The following PAK5 variants were observed in gnomAD, a reference collection of about 807,000 sequenced individuals.
The protein encoded by PAK5 is p21 (RAC1) activated kinase 5, also known as serine/threonine-protein kinase PAK 5.
PAK5 carries 16 observed loss-of-function variants against 65.9 expected under a neutral mutation model. The ratio of observed to expected loss-of-function variants is 0.24; its 90% CI spans 0.16 to 0.37. The LOEUF is 0.37. PAK5 is among the 10% of genes least tolerant of loss of function. PAK5 has a pLI of 1.00. For synonymous variants in PAK5, 371 were observed against 354.9 expected, an observed-to-expected ratio of 1.05 and a Z score of -0.51; for missense variants, 785 against 903.9, an observed-to-expected ratio of 0.87 and a Z score of 1.69.
chr20:9,565,895 C>A lies in PAK5; in HGVS notation c.1480G>T (p.Glu494Ter), dbSNP rs2122991362. ...KQQRRELLFNEVVIMRDYHHD... is the reference protein window; with the variant it reads ...KQQRRELLFN Reference sequence around the variant, plus strand: ...GATGACCCAAACACACTCTTTACCTCATTGAAAAGCAGTTCTCGTCTCTGT... The same window carrying A: ...GATGACCCAAACACACTCTTTACCTAATTGAAAAGCAGTTCTCGTCTCTGT... The change falls in exon 5 of 10, where the codon GAG (glutamate) becomes TAG (stop). Residue 494 changes from glutamate to a stop codon, truncating the protein, a stop_gained and splice_region_variant. Transcript: ENST00000353224. LOFTEE classifies it high-confidence loss of function. The A allele has an allele frequency of 6.2e-7, 1 of 1,610,860 alleles. No homozygotes were observed. The highest frequency in any genetic ancestry group is 2.2e-5 in the East Asian group (1 of 44,820).
At chr20:9,786,651 ACCGTT>A (rs1408267880) in intron 1 of PAK5, among the ~76,000 whole-genome samples, 33 of 152,262 alleles carry the variant, frequency 2.2e-4, no homozygotes, top group African/African-American at 7.7e-4. Context: ...TTTATGTCAT[ACCGTT>A]ATTTAAATAT....
intron 1 of PAK5, among the ~76,000 whole-genome samples, chr20:9,726,841 G>T (rs2048283279): frequency 1.3e-5 from 2 of 152,100 alleles, no homozygotes; most frequent in African/African-American, 4.8e-5. Flanking sequence ...AGAAAAAAAA[G>T]TATTAGCGAC....
intron 1 of PAK5, among the ~76,000 whole-genome samples, chr20:9,786,159 A>G (rs2048990574): frequency 6.6e-6 from 1 of 152,148 alleles, no homozygotes; most frequent in East Asian, 1.9e-4. Flanking sequence ...GGGTATATTC[A>G]TTGAGTGTCC....
At position 9,653,922 on chromosome 20, in the gene PAK5, TCCATCTTTC is replaced by T. The variant is rs1422374063; in HGVS notation, c.-11-9592_-11-9584del. Among the ~76,000 whole-genome samples the T allele has an allele frequency of 2.0e-5, 3 of 152,038 alleles. No homozygotes were observed. In the East Asian group the frequency reaches 5.8e-4, roughly 30 times the overall value. ...TACTGCATCTCTCTCTGACTGTTAT[TCCATCTTTC>T]CCACTTTCTTTTTATTTTTCTTTTC... is the stretch of plus-strand genomic sequence containing the variant. On this transcript the variant is annotated intron_variant, in intron 2 of 9. Coordinates refer to ENST00000353224, the MANE Select transcript of PAK5 (RefSeq NM_177990.4).
chr20:9,583,420 C>T (rs997320525), intron 3 of PAK5, among the ~76,000 whole-genome samples: 13 of 152,244 alleles, frequency 8.5e-5, no homozygotes, highest in Non-Finnish European at 1.9e-4. Context: ...TTTGTCAACT[C>T]AAGTACCATG....
At chr20:9,572,044 G>T (rs574124864) in intron 4 of PAK5, among the ~76,000 whole-genome samples, 32 of 150,538 alleles carry the variant, frequency 2.1e-4, no homozygotes, top group African/African-American at 7.2e-4. Context: ...CTAGGAGAGG[G>T]GGTGAAAGAC....
intron 1 of PAK5, among the ~76,000 whole-genome samples, chr20:9,826,255 C>A (rs2049483615): frequency 6.6e-6 from 1 of 151,854 alleles, no homozygotes; most frequent in African/African-American, 2.4e-5. Context: ...CACATCTATA[C>A]CACAAAATTA....
chr20:9,618,616 T>C (rs2046706762), intron 3 of PAK5, among the ~76,000 whole-genome samples: 1 of 151,600 alleles, frequency 6.6e-6, no homozygotes, highest in Non-Finnish European at 1.5e-5. Flanking sequence ...GGTTTCACCA[T>C]GTTGTCCAGG....
intron 3 of PAK5, among the ~76,000 whole-genome samples, chr20:9,625,061 C>T (rs2046824454): frequency 6.6e-6 from 1 of 152,070 alleles, no homozygotes; most frequent in Non-Finnish European, 1.5e-5. Context: ...CTACCACTAC[C>T]ACCACTGCCA....
intron 1 of PAK5, among the ~76,000 whole-genome samples, chr20:9,824,698 G>A (rs1362752498): frequency 1.3e-5 from 2 of 151,734 alleles, no homozygotes; most frequent in East Asian, 1.9e-4. Flanking sequence ...TTAAAATCAC[G>A]CCCTTCACTG....
At chr20:9,561,786 C>T (rs1052889313) in intron 6 of PAK5, among the ~76,000 whole-genome samples, 1 of 152,168 alleles carries the variant, frequency 6.6e-6, no homozygotes, top group African/African-American at 2.4e-5. Context: ...AACTTTTTGG[C>T]ATTTTATTTA....
chr20:9,583,098 C>T (rs1030218437), intron 3 of PAK5, among the ~76,000 whole-genome samples: 1 of 152,154 alleles, frequency 6.6e-6, no homozygotes, highest in Non-Finnish European at 1.5e-5. Flanking sequence ...CTCATTGCTA[C>T]TGGGTGTCAT....
At chr20:9,617,444 A>T (rs1177758093) in intron 3 of PAK5, among the ~76,000 whole-genome samples, 1 of 152,136 alleles carries the variant, frequency 6.6e-6, no homozygotes, top group Non-Finnish European at 1.5e-5. Context: ...ATGACATTGG[A>T]AACAGCTAGC....
rs148587155 is a variant in PAK5, at chr20:9,614,254, T to C, written c.204+29871A>G. On this transcript the variant is annotated intron_variant, in intron 3 of 9. Transcript: ENST00000353224. ...TAGGCTGGGCACAGCTGAGAAAGAC[T>C]CTCTGAGGCTGAGGATATCTCAATA... Among the ~76,000 whole-genome samples the C allele has an allele frequency of 7.2e-3, 1,096 of 152,184 alleles. 21 individuals carry two copies. Among genetic ancestry groups the C allele is most frequent in the African/African-American group, 0.024 (1,002 of 41,506 alleles).
intron 6 of PAK5, among the ~76,000 whole-genome samples, chr20:9,558,260 C>T (rs1357678271): frequency 2.0e-5 from 3 of 151,746 alleles, no homozygotes; most frequent in Non-Finnish European, 4.4e-5. Context: ...TACAGGCGCC[C>T]ATCATTATGC....
chr20:9,547,930 G>C (rs1260281864), intron 7 of PAK5, among the ~76,000 whole-genome samples: 1 of 152,122 alleles, frequency 6.6e-6, no homozygotes, highest in East Asian at 1.9e-4. Flanking sequence ...AGAGGGAGGA[G>C]GTCACATGAA....
intron 1 of PAK5, among the ~76,000 whole-genome samples, chr20:9,747,421 A>T (rs1453423773): frequency 1.3e-5 from 2 of 151,826 alleles, no homozygotes; most frequent in Admixed American, 6.6e-5. Context: ...ATGAACATTG[A>T]TGCAAAAATC....
At chr20:9,642,863 T>C (rs984812575) in intron 3 of PAK5, among the ~76,000 whole-genome samples, 6 of 152,226 alleles carry the variant, frequency 3.9e-5, no homozygotes, top group Non-Finnish European at 5.9e-5. Context: ...TTTGAAATTC[T>C]ACCAGAAAAT....
intron 2 of PAK5, among the ~76,000 whole-genome samples, chr20:9,686,049 A>G (rs2047714473): frequency 6.6e-6 from 1 of 152,212 alleles, no homozygotes; most frequent in Admixed American, 6.5e-5. Context: ...AATGGGTCTC[A>G]ATGCCTTAAT....
Sources: allele counts gnomAD v4.1 joint callset (sites outside exome capture counted in the v4.1 genomes callset), GRCh38; gene constraint gnomAD v4.1.1; transcripts MANE v1.5; gene names NCBI Gene and HGNC (gene_info 2026-07-23, HGNC 2026-07-21).